Variants in EXOC4 observed in about 807,000 individuals in gnomAD.
EXOC4 encodes exocyst complex component 4, also known as SEC8-like 1.
EXOC4 carries 71 observed loss-of-function variants against 107.2 expected under a neutral mutation model. That is an observed-to-expected ratio of 0.66 (90% CI 0.55 to 0.81). The LOEUF is 0.81. Among genes scored for constraint, EXOC4 ranks in the 30% least tolerant of loss-of-function variants. EXOC4 has a pLI of 0.00. For missense variants in EXOC4, 1,108 were observed against 1,189.6 expected (o/e 0.93, Z 1.01); for synonymous variants, 456 against 441.2 (o/e 1.03, Z -0.42).
intron 17 of EXOC4, among the ~76,000 whole-genome samples, chr7:134,044,932 A>G (rs1462431150): frequency 1.3e-5 from 2 of 152,168 alleles, no homozygotes; most frequent in Non-Finnish European, 2.9e-5. Context: ...GATGTGTGGG[A>G]GGTAGGGTAT....
chr7:133,623,328 A>G (rs1585038449), intron 9 of EXOC4, among the ~76,000 whole-genome samples: 1 of 152,202 alleles, frequency 6.6e-6, no homozygotes, highest in African/African-American at 2.4e-5. Flanking sequence ...TAATCAATAT[A>G]CTTTTTCAGC....
At chr7:133,376,128 G>A (rs1002457419) in intron 7 of EXOC4, among the ~76,000 whole-genome samples, 1 of 152,140 alleles carries the variant, frequency 6.6e-6, no homozygotes, top group African/African-American at 2.4e-5. Flanking sequence ...ATGTAGACAT[G>A]CTCTTGGTGG....
At chr7:133,542,797 A>G (rs1325772740) in intron 9 of EXOC4, among the ~76,000 whole-genome samples, 1 of 152,178 alleles carries the variant, frequency 6.6e-6, no homozygotes. Context: ...AAACTGATCT[A>G]ATGAATGGCA....
chr7:133,570,949 C>T (rs1002193572), intron 9 of EXOC4, among the ~76,000 whole-genome samples: 8 of 152,168 alleles, frequency 5.3e-5, no homozygotes, highest in African/African-American at 1.9e-4. Flanking sequence ...TAATTTAGAA[C>T]TGATTATCAA....
intron 9 of EXOC4, among the ~76,000 whole-genome samples, chr7:133,534,246 GT>G (rs1393202350): frequency 6.6e-6 from 1 of 152,242 alleles, no homozygotes; most frequent in African/African-American, 2.4e-5. Flanking sequence ...TTTAAATGAT[GT>G]CACATTGAAA....
At chr7:134,086,073 C>A in the EXOC4 span, among the ~76,000 whole-genome samples, 4 of 152,208 alleles carry the variant, frequency 2.6e-5, no homozygotes, top group South Asian at 8.3e-4. Flanking sequence ...CTTATTAGTT[C>A]CAAGAACTTA....
chr7:133,839,321 A>C (rs945442264), intron 11 of EXOC4, among the ~76,000 whole-genome samples: 1 of 152,208 alleles, frequency 6.6e-6, no homozygotes, highest in Middle Eastern at 3.4e-3. Context: ...CTCTGATCCT[A>C]TTTGGATAAT....
chr7:133,942,240 T>C (rs1366974103), intron 14 of EXOC4, among the ~76,000 whole-genome samples: 1 of 151,930 alleles, frequency 6.6e-6, no homozygotes. Context: ...TCCTTGATTA[T>C]ATATTCTACT....
intron 10 of EXOC4, among the ~76,000 whole-genome samples, chr7:133,743,915 C>G (rs184980275): frequency 2.0e-5 from 3 of 152,208 alleles, no homozygotes; most frequent in Admixed American, 1.3e-4. Flanking sequence ...AGGAGAAAAC[C>G]AGAGGATTTC....
At chr7:133,898,360 A>G (rs1054266073) in intron 12 of EXOC4, among the ~76,000 whole-genome samples, 1 of 152,132 alleles carries the variant, frequency 6.6e-6, no homozygotes, top group African/African-American at 2.4e-5. Flanking sequence ...GGGCCATTAG[A>G]GTCTTGGATT....
At chr7:133,438,033 A>G (rs1798015021) in intron 7 of EXOC4, among the ~76,000 whole-genome samples, 1 of 152,152 alleles carries the variant, frequency 6.6e-6, no homozygotes, top group African/African-American at 2.4e-5. Flanking sequence ...TTAATTTGCT[A>G]CCTCTGACTC....
At chr7:133,365,535 C>T (rs1796232152) in intron 6 of EXOC4, among the ~76,000 whole-genome samples, 1 of 152,164 alleles carries the variant, frequency 6.6e-6, no homozygotes. Context: ...CACCAGGCCC[C>T]ACTTCAGTAT....
intron 9 of EXOC4, among the ~76,000 whole-genome samples, chr7:133,492,273 TG>T (rs1169002894): frequency 6.6e-6 from 1 of 152,158 alleles, no homozygotes; most frequent in Non-Finnish European, 1.5e-5. Flanking sequence ...CAGTTGGACA[TG>T]GTGACTCATT....
intron 10 of EXOC4, among the ~76,000 whole-genome samples, chr7:133,669,421 G>C (rs1410634878): frequency 6.6e-6 from 1 of 152,244 alleles, no homozygotes; most frequent in Non-Finnish European, 1.5e-5. Context: ...CAGGGCACCT[G>C]TGTGGGTGTG....
the EXOC4 span, among the ~76,000 whole-genome samples, chr7:134,098,421 C>G: frequency 2.0e-5 from 3 of 152,144 alleles, no homozygotes; most frequent in Non-Finnish European, 4.4e-5. Context: ...AATGGTGTAA[C>G]CCAACCCAAT....
At chr7:133,525,010 G>A (rs898895756) in intron 9 of EXOC4, among the ~76,000 whole-genome samples, 4 of 152,070 alleles carry the variant, frequency 2.6e-5, no homozygotes, top group African/African-American at 7.2e-5. Context: ...TTACTCTATT[G>A]TCAGTGCATT....
intron 12 of EXOC4, among the ~76,000 whole-genome samples, chr7:133,910,107 A>T (rs995454341): frequency 2.0e-5 from 3 of 152,132 alleles, no homozygotes; most frequent in African/African-American, 7.2e-5. Context: ...TTTTTAGTAG[A>T]GACAGGGTTT....
intron 12 of EXOC4, among the ~76,000 whole-genome samples, chr7:133,897,285 GT>G (rs1799341830): frequency 6.6e-6 from 1 of 151,974 alleles, no homozygotes; most frequent in Non-Finnish European, 1.5e-5. Flanking sequence ...TTGAGATGCA[GT>G]CCCAATAACC....
intron 9 of EXOC4, among the ~76,000 whole-genome samples, chr7:133,583,249 G>T (rs554326603): frequency 6.6e-6 from 1 of 152,116 alleles, no homozygotes; most frequent in African/African-American, 2.4e-5. Flanking sequence ...TTAAACACTA[G>T]TCCTACACTC....
Sources: gnomAD v4.1 joint callset for allele counts (sites outside exome capture counted in the v4.1 genomes callset) on GRCh38, gnomAD v4.1.1 for gene constraint, MANE v1.5 for transcripts, NCBI Gene and HGNC (gene_info 2026-07-23, HGNC 2026-07-21) for gene names.